UBQLN4: variants seen among roughly 807,000 people sequenced by gnomAD.
UBQLN4 encodes ubiquilin 4, also known as ubiquilin-4.
In UBQLN4, 11 loss-of-function variants were observed where a neutral mutation model predicts 60.4. The observed-to-expected ratio is 0.18, with a 90% confidence interval of 0.11 to 0.30. The LOEUF (loss-of-function observed/expected upper bound fraction) is 0.30. Among genes scored for constraint, UBQLN4 ranks in the 10% least tolerant of loss-of-function variants. The pLI is 1.00. For synonymous variants in UBQLN4, 258 were observed against 313.1 expected, an observed-to-expected ratio of 0.82 and a Z score of 1.86; for missense variants, 417 against 795.5, an observed-to-expected ratio of 0.52 and a Z score of 5.72.
chr1:156,032,099 G>A (rs1287535778), downstream of UBQLN4, among the ~76,000 whole-genome samples: 1 of 149,056 alleles, frequency 6.7e-6, no homozygotes, highest in Non-Finnish European at 1.5e-5. Flanking sequence ...TTGCTCTGCC[G>A]CCCAGCGACT....
chr1:156,041,649 G>C lies in UBQLN4; in HGVS notation c.1489C>G (p.Arg497Gly). ...CTGCCTGCTGAGGGTGCTGGGGTCC[G>C]GGATATCCCAAAGGAGCCAAGGCTG... ...VPSLGSFGIS[R>G]TPAPSAGSNA... The change falls in exon 10 of 11, where the codon CGG becomes GGG. Residue 497 changes from arginine (R) to glycine (G), a missense_variant. Coordinates refer to ENST00000368309, the MANE Select transcript of UBQLN4 (RefSeq NM_020131.5). The C allele has an allele frequency of 1.9e-6, 3 of 1,579,962 alleles. No homozygotes were observed. In the South Asian group the frequency reaches 3.5e-5, roughly 18 times the overall value.
At chr1:156,038,796 T>C (rs1326119467) in intron 10 of UBQLN4, among the ~76,000 whole-genome samples, 6 of 143,314 alleles carry the variant, frequency 4.2e-5, no homozygotes, top group Non-Finnish European at 7.6e-5. Context: ...CATGAGCCAC[T>C]GCACTAGGTC....
Position 156,048,371 on chromosome 1 carries a change from C to G in UBQLN4, c.900+130G>C. 9.1e-7 allele frequency: 1 copy of G among 1,102,702 alleles called. No individual in the cohort carries two copies. The highest frequency in any genetic ancestry group is 1.3e-6 in the Non-Finnish European group (1 of 787,594). The allele number at this position is 1,102,702 out of a possible 1,614,324, so 68.3% of individuals were successfully genotyped here. A position where few individuals can be genotyped will look rare whatever the true frequency, so the allele number is the denominator to read the frequency against. On this transcript the variant is annotated intron_variant, in intron 5 of 10. Coordinates refer to ENST00000368309, the MANE Select transcript of UBQLN4 (RefSeq NM_020131.5). The surrounding 1 kb of genome is among the most constrained non-coding windows in gnomAD (Gnocchi z 4.9). ...CCCGGATATGTACTGTTGAGAACTG[C>G]CTTCAAGCCAAGGCCCACCCCTCAG...
At chr1:156,045,180 G>A (rs1281218016) in intron 5 of UBQLN4, among the ~76,000 whole-genome samples, 1 of 152,106 alleles carries the variant, frequency 6.6e-6, no homozygotes, top group Non-Finnish European at 1.5e-5. Context: ...CCCACCGTAG[G>A]GTTTCATATT....
chr1:156,053,478 G>T, intron 1 of UBQLN4, 116 bp downstream of exon 1: 1 of 747,688 alleles, frequency 1.3e-6, no homozygotes, highest in Non-Finnish European at 1.8e-6. Flanking sequence ...CGGAGTCCCA[G>T]CCGGCCCCCG....
Position 156,041,775 on chromosome 1 carries a change from C to T in UBQLN4, c.1466+97G>A, listed in dbSNP as rs1483306186. The T allele has an allele frequency of 3.4e-6, 5 of 1,458,284 alleles. No individual in the cohort carries two copies. The African/African-American group carries it at 5.7e-5, about 17-fold the overall frequency. 90.3% of individuals were successfully genotyped at this position (1,458,284 alleles called of 1,614,324 possible). ...GTTGGAAGAAACAGGAAAACAGACC[C>T]TCAGAGACACAAAGGATGCTGAGAG... is the stretch of plus-strand genomic sequence containing the variant. On this transcript the variant is annotated intron_variant, in intron 9 of 10. Transcript: ENST00000368309.
chr1:156,042,097 G>T (rs1182503420), intron 8 of UBQLN4, 56 bp downstream of exon 8: 14 of 1,609,292 alleles, frequency 8.7e-6, no homozygotes, highest in Non-Finnish European at 1.2e-5. Context: ...CCACCCATTG[G>T]GCTTCAGGGA....
At chr1:156,040,159 C>T (rs970987225) in intron 10 of UBQLN4, among the ~76,000 whole-genome samples, 5 of 151,264 alleles carry the variant, frequency 3.3e-5, no homozygotes, top group Admixed American at 3.3e-4. Context: ...TTTGGGAGCC[C>T]GAGGCAGGCA....
Position 156,048,489 on chromosome 1 carries a change from C to T in UBQLN4, c.900+12G>A. 4 of 1,605,298 alleles carry T rather than the reference C, an allele frequency of 2.5e-6. No homozygotes were observed. Among genetic ancestry groups the T allele is most frequent in the Non-Finnish European group, 3.4e-6 (4 of 1,173,236 alleles). The stretch of plus-strand genomic sequence containing the variant: ...AGACAGCCCAACCCACTACCCTGGC[C>T]CTTGATCCCACCTGTTCCCGGGCAG... On this transcript the variant is annotated intron_variant, in intron 5 of 10. Transcript: ENST00000368309. This position sits in a 1 kb window ranked among gnomAD's most constrained non-coding sequence, Gnocchi z 4.9.
At position 156,035,470 on chromosome 1, in the gene UBQLN4, A is replaced by C. The variant is rs1683376385; in HGVS notation, c.*1508T>G. On this transcript the variant is annotated 3_prime_UTR_variant, in exon 11 of 11. Coordinates refer to ENST00000368309, the MANE Select transcript of UBQLN4 (RefSeq NM_020131.5). The stretch of plus-strand genomic sequence containing the variant: ...TTCTCAGCCATGGGGTCGGTCCTCC[A>C]AGCAGCTGGGCCAAGTAGGAGAGGG... 4.1e-6 allele frequency: 4 copies of C among 985,158 alleles called. No individual in the cohort carries two copies. Among genetic ancestry groups the C allele is most frequent in the Non-Finnish European group, 4.8e-6 (4 of 829,796 alleles). The allele number at this position is 985,158 out of a possible 1,614,324, so 61.0% of individuals were successfully genotyped here.
chr1:156,051,889 G>C (rs764861236), intron 1 of UBQLN4, 32 bp from the exon 2 acceptor site: 2 of 1,612,280 alleles, frequency 1.2e-6, no homozygotes, highest in South Asian at 1.1e-5. Context: ...CACTGTGGAG[G>C]CTGCCTGGAC....
At chr1:156,040,192 G>A (rs1683521775) in intron 10 of UBQLN4, among the ~76,000 whole-genome samples, 1 of 151,536 alleles carries the variant, frequency 6.6e-6, no homozygotes, top group East Asian at 2.0e-4. Flanking sequence ...TCAGGAGTTC[G>A]AGACCAGCCT....
Position 156,041,644 on chromosome 1 carries a change from G to A in UBQLN4, c.1494C>T (p.Thr498=), listed in dbSNP as rs764284845. ...PSLGSFGISR[T]PAPSAGSNAG... ...CGTTGCTGCCTGCTGAGGGTGCTGG[G>A]GTCCGGGATATCCCAAAGGAGCCAA... The change falls in exon 10 of 11, where the codon ACC becomes ACT. Residue 498 remains threonine (T), a synonymous_variant. Coordinates refer to ENST00000368309, the MANE Select transcript of UBQLN4 (RefSeq NM_020131.5). The A allele has an allele frequency of 2.5e-6, 4 of 1,584,716 alleles. No homozygotes were observed. Among genetic ancestry groups the A allele is most frequent in the African/African-American group, 1.4e-5 (1 of 73,982 alleles).
At position 156,050,698 on chromosome 1, in the gene UBQLN4, C is replaced by T; in HGVS notation, c.479-145G>A. 1 of 1,280,530 alleles carries T rather than the reference C, an allele frequency of 7.8e-7. No homozygotes were observed. Among genetic ancestry groups the T allele is most frequent in the Non-Finnish European group, 1.0e-6 (1 of 955,056 alleles). 79.3% of individuals were successfully genotyped at this position (1,280,530 alleles called of 1,614,324 possible). A position where few individuals can be genotyped will look rare whatever the true frequency, so the allele number is the denominator to read the frequency against. ...TCATTCCCACAGCCCGGCCCTGATC[C>T]ACTGCTGGCAAAAAAATGTGAGCCT... is the stretch of plus-strand genomic sequence containing the variant. On this transcript the variant is annotated intron_variant, in intron 3 of 10. Transcript: ENST00000368309. This position sits in a 1 kb window ranked among gnomAD's most constrained non-coding sequence, Gnocchi z 4.6.
chr1:156,052,819 G>A (rs1223530112), intron 1 of UBQLN4, among the ~76,000 whole-genome samples: 2 of 152,192 alleles, frequency 1.3e-5, no homozygotes, highest in Non-Finnish European at 2.9e-5. Context: ...GTAATTCTAT[G>A]TGGTTAGGGA....
At position 156,051,605 on chromosome 1, in the gene UBQLN4, GC is replaced by G; in HGVS notation, c.260+100del. 6.5e-6 allele frequency: 10 copies of G among 1,540,444 alleles called. No homozygotes were observed. The South Asian group carries it at 1.1e-4, about 17-fold the overall frequency. On this transcript the variant is annotated intron_variant, in intron 2 of 10. Transcript: ENST00000368309. ...ATTCATCCAGGAGCTACCTGCCTGGGCCTCAGCTTAGGCCCTCTGGGTACAG... is the reference window on the plus strand; with the variant it reads ...ATTCATCCAGGAGCTACCTGCCTGGGCTCAGCTTAGGCCCTCTGGGTACAG...
At chr1:156,033,013 C>T (rs1174496993), downstream of UBQLN4, among the ~76,000 whole-genome samples, 1 of 152,170 alleles carries the variant, frequency 6.6e-6, no homozygotes, top group East Asian at 1.9e-4. Flanking sequence ...GAGGCAATGC[C>T]CGTACTCAAG....
At chr1:156,038,811 T>C (rs895247925) in intron 10 of UBQLN4, among the ~76,000 whole-genome samples, 2 of 63,682 alleles carry the variant, frequency 3.1e-5, no homozygotes, top group African/African-American at 8.0e-5. Context: ...TAGGTCTTCT[T>C]CTTTTTTTTT....
At chr1:156,033,144 A>C, downstream of UBQLN4, 1 of 895,544 alleles carries the variant, frequency 1.1e-6, no homozygotes, top group African/African-American at 1.8e-5. Context: ...CTGCTGCCAC[A>C]GGAAGCAGAA....
Sources: allele counts gnomAD v4.1 joint callset (sites outside exome capture counted in the v4.1 genomes callset), GRCh38; gene constraint gnomAD v4.1.1; non-coding constraint Gnocchi (gnomAD v3.1); transcripts MANE v1.5; gene names NCBI Gene and HGNC (gene_info 2026-07-23, HGNC 2026-07-21).